Variants in DAB1 observed in about 807,000 individuals in gnomAD.
DAB1 encodes DAB adaptor protein 1.
Under a neutral mutation model 64.6 loss-of-function variants are expected in DAB1, and 15 were observed. That is an observed-to-expected ratio of 0.23 (90% CI 0.16 to 0.36). The LOEUF (loss-of-function observed/expected upper bound fraction) is 0.36. Among genes scored for constraint, DAB1 ranks in the 10% least tolerant of loss-of-function variants. DAB1 has a pLI of 1.00. For missense variants in DAB1, 596 were observed against 706.7 expected (o/e 0.84, Z 1.78); for synonymous variants, 235 against 251.9 (o/e 0.93, Z 0.64).
At chr1:57,689,580 G>C (rs574452135) in intron 6 of DAB1, among the ~76,000 whole-genome samples, 1 of 152,118 alleles carries the variant, frequency 6.6e-6, no homozygotes. Context: ...TGTGCTCATC[G>C]TTACCTAGTA....
rs192297419 is a variant in DAB1 at position 58,098,065 on chromosome 1, T to C, written n.387+52446A>G. On this transcript the variant is annotated intron_variant and non_coding_transcript_variant, in intron 5 of 20. Transcript: ENST00000485760. ...AGTGGACAAAGCAGACAGTAGAGGA[T>C]GCCACAACAAGCCCTAAGAAAACAC... Among the ~76,000 whole-genome samples the C allele has an allele frequency of 8.1e-4, 124 of 152,290 alleles. 3 individuals are homozygous for C. In the Middle Eastern group the frequency reaches 0.01, roughly 13 times the overall value.
At chr1:57,682,843 G>A (rs1646652215) in intron 6 of DAB1, among the ~76,000 whole-genome samples, 1 of 152,184 alleles carries the variant, frequency 6.6e-6, no homozygotes. Flanking sequence ...CCAGACAGGA[G>A]AGAACAGGGA....
chr1:57,919,917 C>G (rs1264440987), intron 5 of DAB1, among the ~76,000 whole-genome samples: 2 of 152,162 alleles, frequency 1.3e-5, no homozygotes, highest in Non-Finnish European at 2.9e-5. Flanking sequence ...CTTAAGGAAA[C>G]TATTCCAAAT....
chr1:58,066,536 C>T (rs950268150), intron 5 of DAB1, among the ~76,000 whole-genome samples: 5 of 152,142 alleles, frequency 3.3e-5, no homozygotes, highest in Admixed American at 3.3e-4. Context: ...TATATTAATT[C>T]TCATAATCTC....
At position 57,316,609 on chromosome 1, in the gene DAB1, C is replaced by T. The variant is rs146558237; in HGVS notation, c.-136-25443G>A. Reference sequence around the variant, plus strand: ...CTCAGGTGGCCTACCAGCCTCTGCTCGGATGTCTCAAAAAGAAAAAAAAGA... The same window carrying T: ...CTCAGGTGGCCTACCAGCCTCTGCTTGGATGTCTCAAAAAGAAAAAAAAGA... On this transcript the variant is annotated intron_variant, in intron 1 of 14. Transcript: ENST00000371236. Among the ~76,000 whole-genome samples the T allele has an allele frequency of 8.4e-3, 1,274 of 151,946 alleles. 16 individuals are homozygous for T. Among genetic ancestry groups the T allele is most frequent in the African/African-American group, 0.028 (1,177 of 41,396 alleles).
rs550929526 is a variant in DAB1 at position 57,913,294 on chromosome 1, T to A, written n.388-29132A>T. On this transcript the variant is annotated intron_variant and non_coding_transcript_variant, in intron 5 of 20. Coordinates refer to the DAB1 transcript ENST00000485760. Reference sequence around the variant, plus strand: ...GAGCCCTCAGAAATAATGCCACACATCTACAACTATCTGATCTTTGACAAC... The same window carrying A: ...GAGCCCTCAGAAATAATGCCACACAACTACAACTATCTGATCTTTGACAAC... Among the ~76,000 whole-genome samples the A allele has an allele frequency of 6.6e-5, 10 of 152,038 alleles. No individual in the cohort carries two copies. The South Asian group carries it at 2.1e-3, about 32-fold the overall frequency.
At chr1:58,027,902 T>C (rs754836257) in intron 5 of DAB1, among the ~76,000 whole-genome samples, 8 of 152,220 alleles carry the variant, frequency 5.3e-5, no homozygotes, top group Non-Finnish European at 8.8e-5. Context: ...AATTCCCCTA[T>C]GTGGAATTCC....
chr1:57,943,082 C>T (rs1645127737), intron 5 of DAB1, among the ~76,000 whole-genome samples: 1 of 152,092 alleles, frequency 6.6e-6, no homozygotes, highest in South Asian at 2.1e-4. Flanking sequence ...CAGAAGTATA[C>T]AGTAACTTGC....
intron 7 of DAB1, among the ~76,000 whole-genome samples, chr1:57,634,934 A>G (rs1646033138): frequency 6.6e-6 from 1 of 152,224 alleles, no homozygotes; most frequent in Non-Finnish European, 1.5e-5. Context: ...AATAAATGGC[A>G]TTTGAGCAGA....
intron 4 of DAB1, among the ~76,000 whole-genome samples, chr1:58,300,385 A>G (rs1333547782): frequency 6.6e-6 from 1 of 151,734 alleles, no homozygotes; most frequent in Non-Finnish European, 1.5e-5. Flanking sequence ...GTCTCTACTG[A>G]AAATACAAAA....
intron 7 of DAB1, among the ~76,000 whole-genome samples, chr1:57,569,193 A>C (rs1442945582): frequency 1.5e-5 from 2 of 134,996 alleles, no homozygotes; most frequent in African/African-American, 5.5e-5. Context: ...CAGGGGGCGG[A>C]GCCTGCAGTG....
chr1:57,788,250 TC>T (rs1650430548), intron 6 of DAB1, among the ~76,000 whole-genome samples: 1 of 152,140 alleles, frequency 6.6e-6, no homozygotes, highest in East Asian at 1.9e-4. Context: ...ATTAATAATT[TC>T]CCCAAACTGG....
intron 5 of DAB1, among the ~76,000 whole-genome samples, chr1:58,016,039 A>C (rs1184164739): frequency 1.3e-5 from 2 of 152,182 alleles, no homozygotes; most frequent in Non-Finnish European, 2.9e-5. Flanking sequence ...AAGATGGTAG[A>C]GTCCAGTAAA....
At chr1:58,192,997 T>A (rs981634280) in intron 4 of DAB1, among the ~76,000 whole-genome samples, 1 of 152,214 alleles carries the variant, frequency 6.6e-6, no homozygotes, top group African/African-American at 2.4e-5. Flanking sequence ...CCAATTAAAT[T>A]TCTTTTAAAA....
At chr1:58,373,464 T>C (rs1202182102) in intron 3 of DAB1, among the ~76,000 whole-genome samples, 1 of 151,344 alleles carries the variant, frequency 6.6e-6, no homozygotes, top group East Asian at 1.9e-4. Context: ...AGAATGATGG[T>C]TTCCAACTTC....
chr1:57,524,404 C>A (rs942502234), intron 7 of DAB1, among the ~76,000 whole-genome samples: 1 of 152,168 alleles, frequency 6.6e-6, no homozygotes, highest in Non-Finnish European at 1.5e-5. Flanking sequence ...CTTTCATGCA[C>A]GTCCATGTGG....
At chr1:57,371,388 C>A (rs1680484404) in intron 1 of DAB1, among the ~76,000 whole-genome samples, 1 of 152,158 alleles carries the variant, frequency 6.6e-6, no homozygotes, top group African/African-American at 2.4e-5. Context: ...AGCCGTTCAG[C>A]CAATACCAAT....
At chr1:57,971,547 T>C (rs1645796567) in intron 5 of DAB1, among the ~76,000 whole-genome samples, 1 of 152,254 alleles carries the variant, frequency 6.6e-6, no homozygotes, top group Non-Finnish European at 1.5e-5. Context: ...TTAAACTCTT[T>C]GAGTCTCAGT....
intron 5 of DAB1, among the ~76,000 whole-genome samples, chr1:57,971,590 C>T (rs1645797599): frequency 6.6e-6 from 1 of 152,140 alleles, no homozygotes; most frequent in Admixed American, 6.5e-5. Context: ...TGATATTATC[C>T]CATCTCTATC....
Sources: gnomAD v4.1 joint callset for allele counts (sites outside exome capture counted in the v4.1 genomes callset) on GRCh38, gnomAD v4.1.1 for gene constraint, MANE v1.5 for transcripts, NCBI Gene and HGNC (gene_info 2026-07-23, HGNC 2026-07-21) for gene names.